The following CREB5 variants were observed in gnomAD, a reference collection of about 807,000 sequenced individuals.
The protein encoded by CREB5 is cyclic AMP-responsive element-binding protein 5.
In CREB5, 19 loss-of-function variants were observed where a neutral mutation model predicts 57.1. The ratio of observed to expected loss-of-function variants is 0.33; its 90% confidence interval spans 0.23 to 0.49. The LOEUF is 0.49. Ranked by LOEUF, CREB5 falls within the 20% of genes least tolerant of loss-of-function variation. CREB5 has a pLI of 0.99. For synonymous variants in CREB5, 238 were observed against 238.3 expected (o/e 1.00, Z 0.01); for missense variants, 579 against 671.6 (o/e 0.86, Z 1.52).
intron 1 of CREB5, among the ~76,000 whole-genome samples, chr7:28,369,987 C>CT (rs1390065877): frequency 3.3e-5 from 5 of 152,178 alleles, no homozygotes; most frequent in South Asian, 2.1e-4. Context: ...CTAGCAGCTA[C>CT]TTTTTTTTCC....
At chr7:28,582,830 A>G (rs1037246706) in intron 5 of CREB5, among the ~76,000 whole-genome samples, 4 of 152,246 alleles carry the variant, frequency 2.6e-5, no homozygotes, top group African/African-American at 9.6e-5. Flanking sequence ...AGAGGGCAGA[A>G]CACAGGCTGA....
chr7:28,673,494 A>G (rs1350104590), intron 5 of CREB5, among the ~76,000 whole-genome samples: 1 of 152,160 alleles, frequency 6.6e-6, no homozygotes, highest in Non-Finnish European at 1.5e-5. Context: ...GCTTTAAAAC[A>G]TGCTTTATGA....
intron 1 of CREB5, among the ~76,000 whole-genome samples, chr7:28,431,523 C>T (rs1788714011): frequency 6.6e-6 from 1 of 152,128 alleles, no homozygotes; most frequent in South Asian, 2.1e-4. Flanking sequence ...CATGCTTGGA[C>T]ATTTACACTC....
intron 1 of CREB5, among the ~76,000 whole-genome samples, chr7:28,339,931 G>A (rs1035892785): frequency 2.6e-5 from 4 of 152,128 alleles, no homozygotes; most frequent in African/African-American, 4.8e-5. Context: ...ACAGGCCCAC[G>A]GGCAGTACTG....
intron 4 of CREB5, among the ~76,000 whole-genome samples, chr7:28,568,563 A>G (rs1471075573): frequency 6.6e-6 from 1 of 152,206 alleles, no homozygotes; most frequent in Non-Finnish European, 1.5e-5. Flanking sequence ...ACCAATGCAC[A>G]TTGCCATTTC....
chr7:28,554,997 T>G (rs1165877304), intron 4 of CREB5, among the ~76,000 whole-genome samples: 1 of 152,156 alleles, frequency 6.6e-6, no homozygotes, highest in African/African-American at 2.4e-5. Context: ...AAGCACCCCA[T>G]TCTGGCTCAG....
chr7:28,611,489 T>TAAAAAAAAA (rs59192497), intron 5 of CREB5, among the ~76,000 whole-genome samples: 2 of 47,980 alleles, frequency 4.2e-5, no homozygotes, highest in African/African-American at 1.8e-4. Flanking sequence ...CCATCTCTAC[T>TAAAAAAAAA]AAAAAAAAAA....
rs1428908964 is a variant in CREB5, at chr7:28,822,891, C to G, written c.*3612C>G. 1 of 152,616 alleles carries G rather than the reference C, an allele frequency of 6.6e-6. No homozygotes were observed. Among genetic ancestry groups the G allele is most frequent in the Non-Finnish European group, 1.5e-5 (1 of 68,070 alleles). The allele number at this position is 152,616 out of a possible 1,614,324, so 9.5% of individuals were successfully genotyped here. ...TCTCCTGCGGCCACATCAACGGATG[C>G]AAGTCACAGTCTTAACACAGCCTGT... On this transcript the variant is annotated 3_prime_UTR_variant, in exon 11 of 11. Coordinates refer to ENST00000357727, the MANE Select transcript of CREB5 (RefSeq NM_182898.4).
At position 28,658,953 on chromosome 7, in the gene CREB5, G is replaced by GTATATATATATATATATATATGTGTA. The variant is rs1554281550; in HGVS notation, c.465-59779_465-59778insGTGTATATATATATATATATATATAT. 7.9e-3 allele frequency among the ~76,000 whole-genome samples: 788 copies of GTATATATATATATATATATATGTGTA among 99,568 alleles called. 18 individuals are homozygous for GTATATATATATATATATATATGTGTA. Among genetic ancestry groups the GTATATATATATATATATATATGTGTA allele is most frequent in the African/African-American group, 0.025 (749 of 30,450 alleles). The allele number at this position is 99,568 out of a possible 152,430, so 65.3% of individuals were successfully genotyped here. Reference sequence around the variant, plus strand: ...CACTAAATATTATATGTGTGTGTGTGTATATATATATATATATATATATAT... The same window carrying GTATATATATATATATATATATGTGTA: ...CACTAAATATTATATGTGTGTGTGTGTATATATATATATATATATATGTGTATATATATATATATATATATATATAT... On this transcript the variant is annotated intron_variant, in intron 5 of 10. Coordinates refer to ENST00000357727, the MANE Select transcript of CREB5 (RefSeq NM_182898.4).
chr7:28,560,252 T>C (rs1430725252), intron 4 of CREB5, among the ~76,000 whole-genome samples: 1 of 152,184 alleles, frequency 6.6e-6, no homozygotes, highest in Non-Finnish European at 1.5e-5. Context: ...CTGGGGCATG[T>C]ACAGGCAAAG....
chr7:28,544,863 A>G (rs1046720532), intron 4 of CREB5, among the ~76,000 whole-genome samples: 1 of 152,216 alleles, frequency 6.6e-6, no homozygotes, highest in Non-Finnish European at 1.5e-5. Context: ...CCATTAATCC[A>G]GTCAGTGTGC....
At chr7:28,775,637 T>TG (rs1051857283) in intron 7 of CREB5, among the ~76,000 whole-genome samples, 2 of 150,946 alleles carry the variant, frequency 1.3e-5, no homozygotes, top group African/African-American at 4.9e-5. Flanking sequence ...TGAGTGATTT[T>TG]GGGGGGGTTC....
At chr7:28,584,118 C>T (rs1036242639) in intron 5 of CREB5, among the ~76,000 whole-genome samples, 15 of 152,270 alleles carry the variant, frequency 9.9e-5, no homozygotes, top group Admixed American at 5.9e-4. Flanking sequence ...GAATACCTCA[C>T]GGAACGCAAT....
chr7:28,395,684 A>T (rs1168093668), intron 1 of CREB5, among the ~76,000 whole-genome samples: 1 of 152,218 alleles, frequency 6.6e-6, no homozygotes, highest in African/African-American at 2.4e-5. Context: ...CTGCTTTAAT[A>T]AAGATATAAA....
At chr7:28,498,068 A>C (rs2128601025) in intron 3 of CREB5, among the ~76,000 whole-genome samples, 1 of 152,264 alleles carries the variant, frequency 6.6e-6, no homozygotes, top group Admixed American at 6.5e-5. Context: ...ATATTATAAT[A>C]CTTTTTTTTC....
chr7:28,403,819 T>C (rs1434299688), intron 1 of CREB5, among the ~76,000 whole-genome samples: 3 of 152,050 alleles, frequency 2.0e-5, no homozygotes, highest in Non-Finnish European at 4.4e-5. Context: ...AAATAGAAAG[T>C]TTTTTCTCTC....
At chr7:28,460,297 TATA>T (rs1414582317) in intron 1 of CREB5, among the ~76,000 whole-genome samples, 5 of 152,206 alleles carry the variant, frequency 3.3e-5, no homozygotes, top group African/African-American at 1.2e-4. Flanking sequence ...GATACTTACC[TATA>T]AATATAGACA....
At chr7:28,525,139 G>C (rs1442973270) in intron 4 of CREB5, among the ~76,000 whole-genome samples, 1 of 152,082 alleles carries the variant, frequency 6.6e-6, no homozygotes, top group African/African-American at 2.4e-5. Flanking sequence ...TTCCATCCAT[G>C]TTGCTGTAAA....
chr7:28,330,348 A>G (rs1241908897), intron 1 of CREB5, among the ~76,000 whole-genome samples: 1 of 150,026 alleles, frequency 6.7e-6, no homozygotes, highest in Non-Finnish European at 1.5e-5. Context: ...TTATGTAAAT[A>G]TGACTTAATT....
Sources: gnomAD v4.1 joint callset for allele counts (sites outside exome capture counted in the v4.1 genomes callset) on GRCh38, gnomAD v4.1.1 for gene constraint, MANE v1.5 for transcripts, NCBI Gene and HGNC (gene_info 2026-07-23, HGNC 2026-07-21) for gene names.